The following NOL4 variants were observed in gnomAD, a reference collection of about 807,000 sequenced individuals.
The protein encoded by NOL4 is cancer/testis antigen 125.
Under a neutral mutation model 75.9 loss-of-function variants are expected in NOL4, and 17 were observed. That is an observed-to-expected ratio of 0.22 (90% CI 0.15 to 0.34). The LOEUF (loss-of-function observed/expected upper bound fraction) is 0.34, where lower values mean the gene tolerates loss of function less well. Ranked by LOEUF, NOL4 falls within the 10% of genes least tolerant of loss-of-function variation. NOL4 has a pLI of 1.00. For synonymous variants in NOL4, 292 were observed against 289.9 expected, an observed-to-expected ratio of 1.01 and a Z score of -0.07; for missense variants, 614 against 793.5, an observed-to-expected ratio of 0.77 and a Z score of 2.72.
intron 1 of NOL4, among the ~76,000 whole-genome samples, chr18:34,137,707 A>T (rs577120085): frequency 2.8e-4 from 43 of 152,038 alleles, no homozygotes; most frequent in African/African-American, 8.7e-4. Flanking sequence ...TTGAAAACAG[A>T]CTGGCAGTAA....
chr18:34,182,787 TAA>T (rs1600816817), intron 1 of NOL4, among the ~76,000 whole-genome samples: 1 of 151,700 alleles, frequency 6.6e-6, no homozygotes, highest in East Asian at 1.9e-4. Context: ...CAAAAATAGT[TAA>T]GTGAATTAAG....
intron 10 of NOL4, among the ~76,000 whole-genome samples, chr18:33,881,191 C>T (rs1247201244): frequency 2.0e-5 from 3 of 150,600 alleles, no homozygotes; most frequent in African/African-American, 4.9e-5. Context: ...TATAAGAATG[C>T]TTGTGATTTT....
In NOL4 at chr18:34,166,759, C is replaced by CTA. The variant is rs1462412198; in HGVS notation, c.265-36740_265-36739insTA. On this transcript the variant is annotated intron_variant, in intron 1 of 10. Coordinates refer to ENST00000261592, the MANE Select transcript of NOL4 (RefSeq NM_003787.5). ...AAAAATATAATAGTAAAAAAAAGGC[C>CTA]GGGCGCGGTGGCTCACGCCTGTAAT... Among the ~76,000 whole-genome samples, 381 of 38,872 alleles carry CTA rather than the reference C, an allele frequency of 9.8e-3. 18 individuals carry two copies. Among genetic ancestry groups the CTA allele is most frequent in the Admixed American group, 0.014 (42 of 2,964 alleles). The allele number at this position is 38,872 out of a possible 152,430, so 25.5% of individuals were successfully genotyped here.
At chr18:34,107,114 T>C (rs1363826255) in intron 2 of NOL4, among the ~76,000 whole-genome samples, 2 of 152,176 alleles carry the variant, frequency 1.3e-5, no homozygotes, top group Non-Finnish European at 2.9e-5. Flanking sequence ...ATCTTCTCTT[T>C]TCCCCATGCT....
chr18:34,130,236 A>G (rs1433013135), intron 1 of NOL4, among the ~76,000 whole-genome samples: 1 of 152,102 alleles, frequency 6.6e-6, no homozygotes, highest in Non-Finnish European at 1.5e-5. Flanking sequence ...CATAGTTAAT[A>G]TTGAATAAAT....
At chr18:33,857,641 T>C (rs1476512911) in intron 10 of NOL4, among the ~76,000 whole-genome samples, 1 of 152,054 alleles carries the variant, frequency 6.6e-6, no homozygotes, top group Non-Finnish European at 1.5e-5. Context: ...AACTGCTGTG[T>C]GGTAGGACAA....
chr18:34,065,436 T>C (rs1173544169), intron 5 of NOL4, among the ~76,000 whole-genome samples: 2 of 151,996 alleles, frequency 1.3e-5, no homozygotes, highest in Admixed American at 6.6e-5. Flanking sequence ...GATGTCACAG[T>C]GCATTCTACA....
At chr18:34,127,012 C>T (rs2080418053) in intron 2 of NOL4, among the ~76,000 whole-genome samples, 2 of 151,542 alleles carry the variant, frequency 1.3e-5, no homozygotes, top group South Asian at 2.1e-4. Flanking sequence ...ACCTAAGAGT[C>T]ACTATAATTC....
chr18:34,046,632 A>ATATATATATATG (rs1002864623), intron 5 of NOL4, among the ~76,000 whole-genome samples: 4 of 135,670 alleles, frequency 2.9e-5, no homozygotes, highest in African/African-American at 8.1e-5. Context: ...ATATATATAT[A>ATATATATATATG]TATATGTATA....
intron 9 of NOL4, among the ~76,000 whole-genome samples, chr18:33,925,139 A>G (rs1306230966): frequency 1.9e-5 from 1 of 52,196 alleles, no homozygotes; most frequent in African/African-American, 6.7e-5. Context: ...AAAATATACA[A>G]TAACACAAAT....
rs1228025231 is a variant in NOL4 at position 34,029,264 on chromosome 18, A to C, written c.773-9663T>G. Among the ~76,000 whole-genome samples the C allele has an allele frequency of 2.0e-5, 3 of 152,146 alleles. No individual in the cohort carries two copies. The East Asian group carries it at 5.8e-4, about 29-fold the overall frequency. ...ATGGCCTAGCTGTTCTGCACATTCT[A>C]GTCTTGGGTCCCTTAAATCACTGTC... is the stretch of plus-strand genomic sequence containing the variant. On this transcript the variant is annotated intron_variant, in intron 5 of 10. Transcript: ENST00000261592.
intron 9 of NOL4, among the ~76,000 whole-genome samples, chr18:33,924,298 G>T (rs539354274): frequency 6.6e-6 from 1 of 152,096 alleles, no homozygotes; most frequent in Admixed American, 6.6e-5. Flanking sequence ...CTAAATGCTG[G>T]GACATTCTTT....
At chr18:33,915,002 T>C (rs922941604) in intron 9 of NOL4, among the ~76,000 whole-genome samples, 1 of 152,036 alleles carries the variant, frequency 6.6e-6, no homozygotes. Context: ...CCAGGAGCAC[T>C]CTAAATTTTA....
rs1367208355 is a variant in NOL4, at chr18:33,881,949, T to C, written c.1723+1295A>G. On this transcript the variant is annotated intron_variant, in intron 10 of 10. Transcript: ENST00000261592. ...TGACAAACCTGAGAAAAACAAGCAA[T>C]GGGGAAAGGATTCCCTATTTAATAA... 2.0e-5 allele frequency among the ~76,000 whole-genome samples: 3 copies of C among 152,076 alleles called. No homozygotes were observed. In the East Asian group the frequency reaches 5.8e-4, roughly 29 times the overall value.
At chr18:34,017,584 C>T (rs1323058201) in intron 6 of NOL4, among the ~76,000 whole-genome samples, 1 of 152,052 alleles carries the variant, frequency 6.6e-6, no homozygotes, top group Non-Finnish European at 1.5e-5. Flanking sequence ...TAAGTATTTA[C>T]TATGTTCTTT....
At chr18:34,211,187 T>C (rs1473859751) in intron 1 of NOL4, among the ~76,000 whole-genome samples, 1 of 152,204 alleles carries the variant, frequency 6.6e-6, no homozygotes, top group African/African-American at 2.4e-5. Context: ...AAATGTCATC[T>C]TACCCCTGTT....
intron 10 of NOL4, among the ~76,000 whole-genome samples, chr18:33,859,174 A>G (rs2062974311): frequency 6.6e-6 from 1 of 152,022 alleles, no homozygotes; most frequent in Non-Finnish European, 1.5e-5. Flanking sequence ...CTCAGGTTAA[A>G]TCATTGGTTC....
At chr18:33,924,976 C>T (rs1234218592) in intron 9 of NOL4, among the ~76,000 whole-genome samples, 2 of 152,052 alleles carry the variant, frequency 1.3e-5, no homozygotes, top group African/African-American at 4.8e-5. Context: ...ATATCTCAAT[C>T]CCCCAAGTAT....
chr18:34,032,300 G>C (rs1449125281), intron 5 of NOL4, among the ~76,000 whole-genome samples: 1 of 152,030 alleles, frequency 6.6e-6, no homozygotes, highest in Non-Finnish European at 1.5e-5. Context: ...CCCACAACCT[G>C]AGCATTCTGA....
Sources: allele counts gnomAD v4.1 joint callset (sites outside exome capture counted in the v4.1 genomes callset), GRCh38; gene constraint gnomAD v4.1.1; transcripts MANE v1.5; gene names NCBI Gene and HGNC (gene_info 2026-07-23, HGNC 2026-07-21).